The following FBN3 variants were observed in gnomAD, a reference collection of about 807,000 sequenced individuals.
FBN3 encodes fibrillin 3.
A neutral mutation model predicts 330.1 loss-of-function variants in FBN3; 234 were observed. The ratio of observed to expected loss-of-function variants is 0.71; its 90% CI spans 0.64 to 0.79. The LOEUF (loss-of-function observed/expected upper bound fraction) is 0.79, where lower values mean the gene tolerates loss of function less well. Among genes scored for constraint, FBN3 ranks in the 30% least tolerant of loss-of-function variants. The probability of loss-of-function intolerance (pLI) is 0.00; values close to 1 mark genes in which losing one functional copy is unlikely to be tolerated. For synonymous variants in FBN3, 1,458 were observed against 1,517.3 expected (o/e 0.96, Z 0.91); for missense variants, 3,606 against 3,886.9 (o/e 0.93, Z 1.92).
chr19:8,099,344 G>A (rs1019210240), intron 41 of FBN3, among the ~76,000 whole-genome samples: 153 of 138,432 alleles, frequency 1.1e-3, no homozygotes, highest in African/African-American at 3.9e-3. Context: ...ACAGTGGCAC[G>A]ATCTCGGCTC....
chr19:8,108,330 C>A, intron 36 of FBN3, 92 bp from the exon 37 acceptor site: 1 of 952,132 alleles, frequency 1.1e-6, no homozygotes, highest in South Asian at 1.6e-5. Flanking sequence ...GAAAAGGGCT[C>A]AAGAGTGGGC....
At chr19:8,093,076 G>GA (rs34410808) in intron 47 of FBN3, among the ~76,000 whole-genome samples, 20 of 151,022 alleles carry the variant, frequency 1.3e-4, no homozygotes, top group Admixed American at 7.9e-4. Flanking sequence ...AGAAAAAATA[G>GA]AAAAAAAAAA....
At chr19:8,132,898 G>T in intron 14 of FBN3, 86 bp downstream of exon 14, 3 of 1,410,010 alleles carry the variant, frequency 2.1e-6, no homozygotes, top group South Asian at 1.4e-5. Flanking sequence ...TCCCATCCCC[G>T]TCCGGTCCCT....
At chr19:8,086,713 C>A (rs1180659460) in intron 54 of FBN3, among the ~76,000 whole-genome samples, 1 of 151,234 alleles carries the variant, frequency 6.6e-6, no homozygotes, top group East Asian at 2.0e-4. Flanking sequence ...GATGATCCAA[C>A]CGCCTTGGTC....
At chr19:8,120,509 G>T (rs2082821155) in intron 25 of FBN3, among the ~76,000 whole-genome samples, 1 of 149,510 alleles carries the variant, frequency 6.7e-6, no homozygotes, top group Non-Finnish European at 1.5e-5. Context: ...TTTTTCTTTA[G>T]ACAGGGTCTC....
At chr19:8,088,675 G>A (rs982119146) in intron 51 of FBN3, among the ~76,000 whole-genome samples, 1 of 152,146 alleles carries the variant, frequency 6.6e-6, no homozygotes, top group African/African-American at 2.4e-5. Context: ...GAACAAGAGG[G>A]CAAATGAGGA....
At position 8,089,913 on chromosome 19, in the gene FBN3, G is replaced by T; in HGVS notation, c.6231C>A (p.Gly2077=). Residue 2077 remains glycine, a synonymous_variant, in exon 50 of 64, where the codon GGC becomes GGA. Transcript: ENST00000600128. The part of the protein sequence containing the change: ...LCPFGHGAVP[G]PDDSREDVNE... Reference sequence around the variant, plus strand: ...GCTCACCTTCTCGGGAGTCATCCGGGCCTGGGACTGCCCCGTGGCCAAAGG... The same window carrying T: ...GCTCACCTTCTCGGGAGTCATCCGGTCCTGGGACTGCCCCGTGGCCAAAGG... 1 of 1,603,630 alleles carries T rather than the reference G, an allele frequency of 6.2e-7. No individual in the cohort carries two copies. The highest frequency in any genetic ancestry group is 8.5e-7 in the Non-Finnish European group (1 of 1,175,964).
intron 47 of FBN3, among the ~76,000 whole-genome samples, chr19:8,092,188 A>G (rs568581681): frequency 9.9e-5 from 15 of 151,866 alleles, no homozygotes; most frequent in African/African-American, 2.9e-4. Flanking sequence ...AAAAAAAAAA[A>G]ACCAAAAAAC....
At chr19:8,076,673 A>G (rs930376460) in intron 59 of FBN3, among the ~76,000 whole-genome samples, 2 of 152,176 alleles carry the variant, frequency 1.3e-5, no homozygotes, top group African/African-American at 4.8e-5. Flanking sequence ...ACATATATAT[A>G]TATTTTTCTT....
intron 26 of FBN3, among the ~76,000 whole-genome samples, chr19:8,118,077 TCACA>T (rs200394099): frequency 1.3e-5 from 2 of 150,866 alleles, no homozygotes; most frequent in African/African-American, 4.9e-5. Flanking sequence ...ATGTGCACAC[TCACA>T]CAGACACACA....
Position 8,131,355 on chromosome 19 carries a change from C to G in FBN3, c.1991-67G>C. 1 of 1,566,178 alleles carries G rather than the reference C, an allele frequency of 6.4e-7. No individual in the cohort carries two copies. The highest frequency in any genetic ancestry group is 1.1e-5 in the South Asian group (1 of 88,218). On this transcript the variant is annotated intron_variant, in intron 15 of 63. Coordinates refer to ENST00000600128, the MANE Select transcript of FBN3 (RefSeq NM_032447.5). The surrounding 1 kb of genome is among the most constrained non-coding windows in gnomAD (Gnocchi z 4.5). ...GCCATGGCTCGGATTCAGCCACAGGCAAGGATGAGGCCCTCTGGTCTTGGG... is the reference window on the plus strand; with the variant it reads ...GCCATGGCTCGGATTCAGCCACAGGGAAGGATGAGGCCCTCTGGTCTTGGG...
chr19:8,138,636 G>A (rs1365911285), intron 8 of FBN3, 72 bp from the exon 9 acceptor site: 4 of 1,458,666 alleles, frequency 2.7e-6, no homozygotes, highest in East Asian at 2.5e-5. Flanking sequence ...AATTCCAGCT[G>A]TAGCAGCACT....
chr19:8,067,105 ATTTC>A (rs1017960258), intron 63 of FBN3, among the ~76,000 whole-genome samples: 1 of 148,730 alleles, frequency 6.7e-6, no homozygotes, highest in Non-Finnish European at 1.5e-5. Flanking sequence ...TGAGGACAGG[ATTTC>A]TTTGTTTCTT....
At chr19:8,124,061 C>T (rs998703593) in intron 22 of FBN3, 53 bp from the exon 23 acceptor site, 28 of 1,457,348 alleles carry the variant, frequency 1.9e-5, no homozygotes, top group African/African-American at 7.0e-5. Flanking sequence ...GTGCCCACTG[C>T]GGGACAGGCG....
Position 8,078,080 on chromosome 19 carries a change from A to T in FBN3, c.7454-2669T>A, listed in dbSNP as rs1048441875. Among the ~76,000 whole-genome samples the T allele has an allele frequency of 3.3e-5, 5 of 152,144 alleles. No homozygotes were observed. In the East Asian group the frequency reaches 7.7e-4, roughly 23 times the overall value. On this transcript the variant is annotated intron_variant, in intron 59 of 63. Coordinates refer to ENST00000600128, the MANE Select transcript of FBN3 (RefSeq NM_032447.5). Reference sequence around the variant, plus strand: ...GCGACAGAGCAAGACTCCATCTCAAAAATTAAAAACAGAAATGTCTGCCAC... The same window carrying T: ...GCGACAGAGCAAGACTCCATCTCAATAATTAAAAACAGAAATGTCTGCCAC...
At chr19:8,084,201 GCAGA>G (rs1004410433) in intron 56 of FBN3, among the ~76,000 whole-genome samples, 16 of 152,196 alleles carry the variant, frequency 1.1e-4, no homozygotes, top group South Asian at 6.2e-4. Flanking sequence ...TCGCTCACAC[GCAGA>G]CACTCACATA....
Position 8,073,251 on chromosome 19 carries a change from G to A in FBN3, c.7749C>T (p.Ser2583=). The A allele has an allele frequency of 6.2e-7, 1 of 1,614,050 alleles. No individual in the cohort carries two copies. The highest frequency in any genetic ancestry group is 8.5e-7 in the Non-Finnish European group (1 of 1,179,998). Residue 2583 remains serine, a synonymous_variant, in exon 62 of 64, where the codon TCC becomes TCT. Transcript: ENST00000600128. ...GGAAGCCACCAAGAGTGTTGCGACA[G>A]GAGGCGCTCCCGCAGGTGGGGGGCG... ...ALSPPTCGSA[S]CRNTLGGFRC... is the part of the protein sequence containing the mutation.
rs893420984 is a variant in FBN3, at chr19:8,128,066, C to T, written c.2296+962G>A. Reference sequence around the variant, plus strand: ...TGAACAGCCAGATGGAAGAGATGCACGGTGCAGGGTATCTGGGAGGAGATG... The same window carrying T: ...TGAACAGCCAGATGGAAGAGATGCATGGTGCAGGGTATCTGGGAGGAGATG... On this transcript the variant is annotated intron_variant, in intron 18 of 63. Transcript: ENST00000600128. Among the ~76,000 whole-genome samples, 8 of 152,256 alleles carry T rather than the reference C, an allele frequency of 5.3e-5. No individual in the cohort carries two copies. In the South Asian group the frequency reaches 8.3e-4, roughly 16 times the overall value.
Position 8,138,420 on chromosome 19 carries a change from C to T in FBN3, c.1010G>A (p.Arg337Gln), listed in dbSNP as rs201041552. The T allele has an allele frequency of 1.1e-5, 18 of 1,611,798 alleles. No individual in the cohort carries two copies. The highest frequency in any genetic ancestry group is 1.1e-4 in the East Asian group (5 of 44,820). Reference protein sequence around the residue: ...AGPVPELCPPRGSNEFQQLCA... With the variant: ...AGPVPELCPPQGSNEFQQLCA... ...CTGCAGCTCTTACTCACTGGAGCCC[C>T]GAGGAGGACACAGCTCAGGGACCGG... Residue 337 changes from arginine (R) to glutamine (Q), a missense_variant, in exon 9 of 64, where the codon CGG becomes CAG. Coordinates refer to ENST00000600128, the MANE Select transcript of FBN3 (RefSeq NM_032447.5).
Sources: allele counts gnomAD v4.1 joint callset (sites outside exome capture counted in the v4.1 genomes callset), GRCh38; gene constraint gnomAD v4.1.1; non-coding constraint Gnocchi (gnomAD v3.1); transcripts MANE v1.5; gene names NCBI Gene and HGNC (gene_info 2026-07-23, HGNC 2026-07-21).